Variants in TAB1 observed in about 807,000 individuals in gnomAD.
TAB1 encodes the protein TGF-beta activated kinase 1 (MAP3K7) binding protein 1, also known as TGF-beta-activated kinase 1 and MAP3K7-binding protein 1.
Under a neutral mutation model 54.5 loss-of-function variants are expected in TAB1, and 30 were observed. That is an observed-to-expected ratio of 0.55 (90% CI 0.41 to 0.75). The LOEUF is 0.75. Ranked by LOEUF, TAB1 falls within the 30% of genes least tolerant of loss-of-function variation. TAB1 has a pLI of 0.00. For synonymous variants in TAB1, 289 were observed against 286.9 expected (o/e 1.01, Z -0.07); for missense variants, 609 against 683.2 (o/e 0.89, Z 1.21).
intron 6 of TAB1, 43 bp downstream of exon 6, chr22:39,418,888 C>T (rs755522864): frequency 3.3e-5 from 49 of 1,496,340 alleles, no homozygotes; most frequent in Admixed American, 2.3e-4. Context: ...CCCATGGGCT[C>T]ACCCTTCGCC....
chr22:39,410,617 A>G (rs1926568030), intron 1 of TAB1, among the ~76,000 whole-genome samples: 1 of 151,802 alleles, frequency 6.6e-6, no homozygotes, highest in African/African-American at 2.4e-5. Context: ...TCTATTTTCA[A>G]AGGCTATTAG....
Position 39,419,578 on chromosome 22 carries a change from C to T in TAB1, c.724C>T (p.Arg242Trp), listed in dbSNP as rs745450445. Residue 242 changes from arginine to tryptophan, a missense_variant, in exon 7 of 11, where the codon CGG becomes TGG. Arg to Trp is a moderately radical substitution (Grantham distance 101). Transcript: ENST00000216160. ...CATCTGTGGGCAGGAGAGCACCCGGCGGATCGGGGATTACAAGGTTAAATA... is the reference window on the plus strand; with the variant it reads ...CATCTGTGGGCAGGAGAGCACCCGGTGGATCGGGGATTACAAGGTTAAATA... ...GIICGQESTR[R>W]IGDYKVKYGY... 9.9e-6 allele frequency: 16 copies of T among 1,612,842 alleles called. No homozygotes were observed. Among genetic ancestry groups the T allele is most frequent in the East Asian group, 4.5e-5 (2 of 44,850 alleles).
intron 1 of TAB1, among the ~76,000 whole-genome samples, chr22:39,411,010 C>G (rs1044751728): frequency 1.3e-5 from 2 of 151,866 alleles, no homozygotes; most frequent in Non-Finnish European, 1.5e-5. Flanking sequence ...ACATCGATCA[C>G]AGGAACAGAA....
chr22:39,414,964 A>G lies in TAB1; in HGVS notation c.34-42A>G, dbSNP rs1196174672. ...ATAGGTGAAGTGGGGACTACCCTGCAGACGCGGTGGCGTCTCACGGCTTCC... is the reference window on the plus strand; with the variant it reads ...ATAGGTGAAGTGGGGACTACCCTGCGGACGCGGTGGCGTCTCACGGCTTCC... On this transcript the variant is annotated intron_variant, in intron 1 of 10. Transcript: ENST00000216160. 4 of 1,612,136 alleles carry G rather than the reference A, an allele frequency of 2.5e-6. No homozygotes were observed. In the East Asian group the frequency reaches 6.7e-5, roughly 27 times the overall value.
At chr22:39,436,680 GCCCCCTCCCCGGGACTGGGCAGA>G, downstream of TAB1, 2 of 888,412 alleles carry the variant, frequency 2.3e-6, no homozygotes, top group South Asian at 1.4e-5. Context: ...GCCAGGCCCC[GCCCCCTCCCCGGGACTGGGCAGA>G]CCCCCTCCCT....
At chr22:39,425,284 T>C (rs1333242814) in intron 8 of TAB1, among the ~76,000 whole-genome samples, 1 of 151,772 alleles carries the variant, frequency 6.6e-6, no homozygotes, top group Non-Finnish European at 1.5e-5. Flanking sequence ...CTCGGGAGGC[T>C]GAGGCGGGAG....
downstream of TAB1, chr22:39,432,747 C>G (rs909186901): frequency 1.0e-6 from 1 of 985,656 alleles, no homozygotes; most frequent in South Asian, 4.7e-5. Context: ...AGGTCTCTCC[C>G]AGCACCTGCT....
intron 7 of TAB1, among the ~76,000 whole-genome samples, chr22:39,420,026 G>A (rs1055161653): frequency 3.3e-5 from 5 of 152,238 alleles, no homozygotes; most frequent in Non-Finnish European, 4.4e-5. Context: ...GGCGAAGCCA[G>A]AGTTGGCATG....
intron 3 of TAB1, 25 bp from the exon 4 acceptor site, chr22:39,416,766 T>A (rs1403339809): frequency 6.2e-7 from 1 of 1,611,906 alleles, no homozygotes; most frequent in Admixed American, 1.7e-5. Flanking sequence ...TGAACCAGCC[T>A]TTGCCCTGTC....
Position 39,430,973 on chromosome 22 carries a change from T to A in TAB1, c.*751T>A. The A allele has an allele frequency of 2.0e-6, 2 of 986,810 alleles. No homozygotes were observed. Among genetic ancestry groups the A allele is most frequent in the Non-Finnish European group, 2.4e-6 (2 of 830,892 alleles). 61.1% of individuals were successfully genotyped at this position (986,810 alleles called of 1,614,324 possible). On this transcript the variant is annotated 3_prime_UTR_variant, in exon 11 of 11. Coordinates refer to ENST00000216160, the MANE Select transcript of TAB1 (RefSeq NM_006116.3). ...CGGTGGGCTGAGGCAGGGGCCGCTG[T>A]CGTCAGGCCTGAGCCAGGGTGAGCT...
intron 1 of TAB1, among the ~76,000 whole-genome samples, chr22:39,414,253 G>A (rs1374209065): frequency 6.6e-6 from 1 of 152,172 alleles, no homozygotes; most frequent in African/African-American, 2.4e-5. Flanking sequence ...GGGAAGAAGA[G>A]GGAGGGTGTT....
chr22:39,419,110 T>A (rs1309319420), intron 6 of TAB1, among the ~76,000 whole-genome samples: 1 of 152,194 alleles, frequency 6.6e-6, no homozygotes, highest in Non-Finnish European at 1.5e-5. Flanking sequence ...GCATGTGAAA[T>A]GCTTCCTGGA....
At chr22:39,422,654 C>T (rs1416017181) in intron 8 of TAB1, among the ~76,000 whole-genome samples, 1 of 152,128 alleles carries the variant, frequency 6.6e-6, no homozygotes, top group Admixed American at 6.6e-5. Context: ...ACCTCAGCCT[C>T]CCAAAGTGCT....
At position 39,426,911 on chromosome 22, in the gene TAB1, C is replaced by G. The variant is rs376032252; in HGVS notation, c.1130C>G (p.Pro377Arg). The G allele has an allele frequency of 1.9e-6, 3 of 1,611,660 alleles. No individual in the cohort carries two copies. The highest frequency in any genetic ancestry group is 1.7e-4 in the Middle Eastern group (1 of 6,048). The change falls in exon 9 of 11, where the codon CCG (proline) becomes CGG (arginine). Residue 377 changes from proline to arginine, a missense_variant. Physicochemically the swap from Pro to Arg is moderately radical, Grantham distance 103. Coordinates refer to ENST00000216160, the MANE Select transcript of TAB1 (RefSeq NM_006116.3). ...CTGGGCGAAATGAGCCAGCCCACAC[C>G]GAGCCCAGCCCCAGGTACGTGTGCT... Reference protein sequence around the residue: ...YPLGEMSQPTPSPAPAAGGRV... With the variant: ...YPLGEMSQPTRSPAPAAGGRV...
rs760920712 is a variant in TAB1 at position 39,431,518 on chromosome 22, C to T, written c.*1296C>T. ...CGGCCCACCAGGGACTAGCCGCTGT[C>T]GCACAGCCTCTGGGGTGCTTGGTCT... On this transcript the variant is annotated 3_prime_UTR_variant, in exon 11 of 11. Transcript: ENST00000216160. 1.6e-4 allele frequency: 160 copies of T among 985,616 alleles called. No individual in the cohort carries two copies. Among genetic ancestry groups the T allele is most frequent in the African/African-American group, 6.4e-4 (37 of 57,382 alleles). 61.1% of individuals were successfully genotyped at this position (985,616 alleles called of 1,614,324 possible). A position where few individuals can be genotyped will look rare whatever the true frequency, so the allele number is the denominator to read the frequency against.
intron 1 of TAB1, among the ~76,000 whole-genome samples, chr22:39,402,813 A>G (rs1484207210): frequency 6.6e-6 from 1 of 152,202 alleles, no homozygotes; most frequent in Admixed American, 6.5e-5. Context: ...GGGCCTCCCA[A>G]AGTGCTAGGA....
At chr22:39,427,511 C>A (rs1274886987) in intron 9 of TAB1, among the ~76,000 whole-genome samples, 13 of 152,250 alleles carry the variant, frequency 8.5e-5, no homozygotes, top group Non-Finnish European at 1.3e-4. Flanking sequence ...GTGCTCCCCC[C>A]AGTGCTGCTC....
chr22:39,432,985 T>C (rs569347287), downstream of TAB1: 5 of 985,402 alleles, frequency 5.1e-6, no homozygotes, highest in South Asian at 2.3e-4. Flanking sequence ...TGTGCAGCCC[T>C]GGTGGGTCAC....
intron 8 of TAB1, among the ~76,000 whole-genome samples, chr22:39,422,983 T>A (rs1373944844): frequency 6.6e-6 from 1 of 151,548 alleles, no homozygotes. Context: ...TTTGACTTTT[T>A]TTTTTTTTTT....
Sources: gnomAD v4.1 joint callset for allele counts (sites outside exome capture counted in the v4.1 genomes callset) on GRCh38, gnomAD v4.1.1 for gene constraint, MANE v1.5 for transcripts, NCBI Gene and HGNC (gene_info 2026-07-23, HGNC 2026-07-21) for gene names.